COL25A1: variants seen among roughly 807,000 people sequenced by gnomAD.
The protein encoded by COL25A1 is collagen alpha-1(XXV) chain.
COL25A1 carries 103 observed loss-of-function variants against 128.4 expected under a neutral mutation model. That is an observed-to-expected ratio of 0.80 (90% CI 0.68 to 0.94). The LOEUF is 0.94. Among genes scored for constraint, COL25A1 ranks in the 40% least tolerant of loss-of-function variants. The pLI is 0.00. For missense variants in COL25A1, 745 were observed against 840.0 expected, an observed-to-expected ratio of 0.89 and a Z score of 1.40; for synonymous variants, 279 against 277.2, an observed-to-expected ratio of 1.01 and a Z score of -0.06.
At chr4:109,289,929 A>G (rs1257127519) in intron 3 of COL25A1, among the ~76,000 whole-genome samples, 1 of 152,094 alleles carries the variant, frequency 6.6e-6, no homozygotes, top group Admixed American at 6.6e-5. Context: ...ATCACATCCT[A>G]TAATTGTGAA....
chr4:109,138,449 A>G (rs1411334602), intron 3 of COL25A1, among the ~76,000 whole-genome samples: 1 of 152,154 alleles, frequency 6.6e-6, no homozygotes, highest in Admixed American at 6.5e-5. Flanking sequence ...ATAAACATAC[A>G]TGTGCATGTG....
At chr4:109,137,978 A>ATG (rs1769960045) in intron 3 of COL25A1, among the ~76,000 whole-genome samples, 1 of 69,244 alleles carries the variant, frequency 1.4e-5, no homozygotes, top group Non-Finnish European at 4.3e-5. Flanking sequence ...TTCATTTTAT[A>ATG]TATATATGTG....
At chr4:108,819,809 T>C (rs1731605551) in intron 35 of COL25A1, 2 of 1,226,258 alleles carry the variant, frequency 1.6e-6, no homozygotes, top group Non-Finnish European at 2.0e-6. Flanking sequence ...AAGTCAGACA[T>C]ACCAACGGGC....
At chr4:109,035,672 A>T (rs564383463) in intron 5 of COL25A1, among the ~76,000 whole-genome samples, 52 of 152,142 alleles carry the variant, frequency 3.4e-4, no homozygotes, top group African/African-American at 1.2e-3. Context: ...TCCCAATCCA[A>T]ATTTATTTGC....
intron 3 of COL25A1, among the ~76,000 whole-genome samples, chr4:109,266,115 G>A (rs773912867): frequency 2.8e-4 from 42 of 152,098 alleles, no homozygotes; most frequent in Non-Finnish European, 4.9e-4. Flanking sequence ...GCTAACTTCT[G>A]CTACTTAAAA....
rs1475923392 is a variant in COL25A1, at chr4:108,810,474, T to C, written c.*3453A>G. On this transcript the variant is annotated 3_prime_UTR_variant, in exon 38 of 38. Coordinates refer to ENST00000399132, the MANE Select transcript of COL25A1 (RefSeq NM_198721.4). ...AGATATTCTAATGTCCTCTATAAAA[T>C]CACATGAGAAAAAAAAATCCTCCAA... The C allele has an allele frequency of 6.6e-6, 1 of 151,518 alleles. No homozygotes were observed. The highest frequency in any genetic ancestry group is 2.4e-5 in the African/African-American group (1 of 41,286). The allele number at this position is 151,518 out of a possible 1,614,324, so 9.4% of individuals were successfully genotyped here.
chr4:108,968,151 C>T (rs1276246944), intron 8 of COL25A1, among the ~76,000 whole-genome samples: 2 of 152,062 alleles, frequency 1.3e-5, no homozygotes, highest in African/African-American at 2.4e-5. Context: ...CTCAGTGCCT[C>T]GTAGAATAAA....
chr4:109,083,448 ATTTTTTTTTTTT>A (rs60165291), intron 3 of COL25A1, among the ~76,000 whole-genome samples: 67 of 77,070 alleles, frequency 8.7e-4, no homozygotes, highest in Non-Finnish European at 1.3e-3. Flanking sequence ...CACTAAATAA[ATTTTTTTTTTTT>A]TTTTTTTTTT....
chr4:109,084,715 C>T (rs1426834848), intron 3 of COL25A1, among the ~76,000 whole-genome samples: 2 of 152,186 alleles, frequency 1.3e-5, no homozygotes, highest in Admixed American at 6.5e-5. Context: ...GTGGGCCCAG[C>T]ATGATTCATT....
At chr4:108,937,948 T>C in intron 10 of COL25A1, 105 bp from the exon 11 acceptor site, 1 of 830,000 alleles carries the variant, frequency 1.2e-6, no homozygotes. Context: ...GTCAAATATA[T>C]TTCTTCAGGT....
intron 19 of COL25A1, among the ~76,000 whole-genome samples, chr4:108,873,577 T>C (rs999505016): frequency 7.5e-5 from 9 of 119,452 alleles, no homozygotes; most frequent in East Asian, 3.9e-4. Flanking sequence ...GTAGCAGCAG[T>C]AGCAGTAGTA....
chr4:109,228,726 C>G (rs1778970349), intron 3 of COL25A1, among the ~76,000 whole-genome samples: 1 of 152,112 alleles, frequency 6.6e-6, no homozygotes, highest in African/African-American at 2.4e-5. Context: ...AATATGAAAA[C>G]TTGCTATAGG....
chr4:108,873,009 C>G (rs909493942), intron 19 of COL25A1, among the ~76,000 whole-genome samples: 1 of 152,054 alleles, frequency 6.6e-6, no homozygotes, highest in Non-Finnish European at 1.5e-5. Flanking sequence ...CGTCCCACCT[C>G]AGCTTCCTGA....
At chr4:108,838,941 G>C (rs1294907548) in intron 31 of COL25A1, among the ~76,000 whole-genome samples, 1 of 152,036 alleles carries the variant, frequency 6.6e-6, no homozygotes, top group Non-Finnish European at 1.5e-5. Flanking sequence ...CGGCATGTTA[G>C]ATATCAAGTT....
intron 3 of COL25A1, among the ~76,000 whole-genome samples, chr4:109,255,786 A>G (rs906409895): frequency 1.3e-5 from 2 of 152,214 alleles, no homozygotes. Flanking sequence ...AATCTCATCT[A>G]TATTTACCTC....
intron 3 of COL25A1, among the ~76,000 whole-genome samples, chr4:109,277,057 A>G (rs1722919901): frequency 6.6e-6 from 1 of 152,208 alleles, no homozygotes; most frequent in African/African-American, 2.4e-5. Context: ...TCTAGTTTGT[A>G]ACCACTTCTT....
intron 3 of COL25A1, among the ~76,000 whole-genome samples, chr4:109,184,466 G>C (rs897759998): frequency 6.6e-6 from 1 of 152,178 alleles, no homozygotes; most frequent in Non-Finnish European, 1.5e-5. Flanking sequence ...TAGACACCAA[G>C]GTAAGACGCA....
rs1737374493 is a variant in COL25A1, at chr4:108,862,557, G to A, written c.1153-12C>T. 1 of 1,606,420 alleles carries A rather than the reference G, an allele frequency of 6.2e-7. No individual in the cohort carries two copies. Among genetic ancestry groups the A allele is most frequent in the Non-Finnish European group, 8.5e-7 (1 of 1,173,774 alleles). ...TCACCTTGTTTCCCCTATTACAGCA[G>A]AATAAGAGGATGAAAAAGATAAAAT... On this transcript the variant is annotated splice_polypyrimidine_tract_variant and intron_variant, in intron 21 of 37. Transcript: ENST00000399132.
At chr4:108,865,646 T>C (rs1737812860) in intron 20 of COL25A1, among the ~76,000 whole-genome samples, 1 of 152,266 alleles carries the variant, frequency 6.6e-6, no homozygotes, top group Non-Finnish European at 1.5e-5. Context: ...TTTAATGTTT[T>C]ACTTTAAGAA....
Sources: allele counts gnomAD v4.1 joint callset (sites outside exome capture counted in the v4.1 genomes callset), GRCh38; gene constraint gnomAD v4.1.1; transcripts MANE v1.5; gene names NCBI Gene and HGNC (gene_info 2026-07-23, HGNC 2026-07-21).